Variants in GARIN1A observed in about 807,000 individuals in gnomAD.
The protein encoded by GARIN1A is Golgi-associated RAB2 interactor protein 1A.
chr7:128,691,304 G>A, the GARIN1A span: 1 of 152,224 alleles, frequency 6.6e-6, no homozygotes, highest in Non-Finnish European at 1.5e-5. Context: ...ATCACGTCTG[G>A]TTTCCAGGTG....
At chr7:128,694,280 C>T in the GARIN1A span, among the ~76,000 whole-genome samples, 2 of 152,132 alleles carry the variant, frequency 1.3e-5, no homozygotes, top group East Asian at 1.9e-4. Context: ...GCCTGTAATC[C>T]CAGCACTTTG....
chr7:128,685,651 G>A, the GARIN1A span: 1 of 152,212 alleles, frequency 6.6e-6, no homozygotes, highest in South Asian at 2.1e-4. Flanking sequence ...CAAATAAGCT[G>A]AGCATTGTTG....
the GARIN1A span, among the ~76,000 whole-genome samples, chr7:128,675,145 C>T: frequency 2.6e-5 from 4 of 152,108 alleles, no homozygotes; most frequent in East Asian, 1.9e-4. Flanking sequence ...CTGTGATGGC[C>T]GCCTTCTGCT....
chr7:128,676,800 CACTT>C, the GARIN1A span, among the ~76,000 whole-genome samples: 2 of 151,966 alleles, frequency 1.3e-5, no homozygotes, highest in East Asian at 3.9e-4. Flanking sequence ...TTCCAGGTCA[CACTT>C]AATAAGATCT....
chr7:128,673,738 G>C, the GARIN1A span, among the ~76,000 whole-genome samples: 1 of 152,162 alleles, frequency 6.6e-6, no homozygotes, highest in Non-Finnish European at 1.5e-5. Context: ...TCCCTTTACT[G>C]TGCCCCAGGA....
the GARIN1A span, among the ~76,000 whole-genome samples, chr7:128,680,880 T>C: frequency 6.6e-6 from 1 of 152,206 alleles, no homozygotes; most frequent in Non-Finnish European, 1.5e-5. Context: ...ACCAGCCTCT[T>C]CTGCAAAATG....
At chr7:128,683,032 C>T in the GARIN1A span, 1 of 1,610,882 alleles carries the variant, frequency 6.2e-7, no homozygotes, top group South Asian at 1.1e-5. Context: ...GTGGCATCTC[C>T]AATCAATTTG....
chr7:128,690,273 A>T, the GARIN1A span, among the ~76,000 whole-genome samples: 1 of 152,228 alleles, frequency 6.6e-6, no homozygotes, highest in Non-Finnish European at 1.5e-5. Flanking sequence ...ACACTGCGGA[A>T]GGCCGCAGGG....
At chr7:128,673,077 G>GGA in the GARIN1A span, among the ~76,000 whole-genome samples, 2 of 152,180 alleles carry the variant, frequency 1.3e-5, no homozygotes, top group Non-Finnish European at 2.9e-5. Flanking sequence ...GGTCGTTTTC[G>GGA]TAAGTATCAA....
At chr7:128,695,623 C>T in the GARIN1A span, among the ~76,000 whole-genome samples, 5 of 152,060 alleles carry the variant, frequency 3.3e-5, no homozygotes, top group African/African-American at 1.2e-4. The surrounding 1 kb of genome is among the most constrained non-coding windows in gnomAD (Gnocchi z 4.5). Flanking sequence ...TCACTGCAGC[C>T]TCGTCCTCCC....
the GARIN1A span, chr7:128,672,338 T>G: frequency 6.9e-7 from 1 of 1,442,612 alleles, no homozygotes; most frequent in Non-Finnish European, 9.5e-7. Flanking sequence ...CATCCTGGCA[T>G]TGGGCTGGGT....
At chr7:128,704,753 T>C in the GARIN1A span, among the ~76,000 whole-genome samples, 1 of 152,132 alleles carries the variant, frequency 6.6e-6, no homozygotes, top group African/African-American at 2.4e-5. Context: ...AGGCTGTAAA[T>C]ACAGATGAAG....
the GARIN1A span, among the ~76,000 whole-genome samples, chr7:128,672,116 C>G: frequency 6.6e-6 from 1 of 152,154 alleles, no homozygotes; most frequent in African/African-American, 2.4e-5. Flanking sequence ...GGCTGCATTA[C>G]TGCTGGTTTG....
the GARIN1A span, among the ~76,000 whole-genome samples, chr7:128,694,914 T>C: frequency 6.6e-6 from 1 of 152,248 alleles, no homozygotes; most frequent in Admixed American, 6.5e-5. Context: ...AAATTTGCTT[T>C]GCTCAGCTCT....
the GARIN1A span, among the ~76,000 whole-genome samples, chr7:128,682,611 T>C: frequency 1.3e-5 from 2 of 152,216 alleles, no homozygotes; most frequent in African/African-American, 2.4e-5. Context: ...AGAAGGAGTC[T>C]CACTCTGTCA....
At chr7:128,677,461 C>G in the GARIN1A span, 2 of 1,279,366 alleles carry the variant, frequency 1.6e-6, no homozygotes, top group African/African-American at 3.2e-5. Context: ...GAGCCGAGAT[C>G]GCGCCACTGC....
At chr7:128,692,286 G>T in the GARIN1A span, among the ~76,000 whole-genome samples, 1 of 152,174 alleles carries the variant, frequency 6.6e-6, no homozygotes, top group Non-Finnish European at 1.5e-5. Flanking sequence ...CAGTTAAAGT[G>T]TCTATTTCTT....
the GARIN1A span, among the ~76,000 whole-genome samples, chr7:128,692,117 A>G: frequency 6.6e-6 from 1 of 152,182 alleles, no homozygotes; most frequent in Non-Finnish European, 1.5e-5. Flanking sequence ...TAGTCTTCCA[A>G]TAAATTCCCT....
At chr7:128,692,981 G>C in the GARIN1A span, among the ~76,000 whole-genome samples, 12 of 152,332 alleles carry the variant, frequency 7.9e-5, no homozygotes, top group East Asian at 2.1e-3. Context: ...GAGTTATTAA[G>C]GCTGAGGCCA....
Sources: gnomAD v4.1 joint callset for allele counts (sites outside exome capture counted in the v4.1 genomes callset) on GRCh38, gnomAD v4.1.1 for gene constraint, Gnocchi (gnomAD v3.1) non-coding constraint, MANE v1.5 for transcripts, NCBI Gene and HGNC (gene_info 2026-07-23, HGNC 2026-07-21) for gene names.